Variants in ARHGEF12 observed in about 807,000 individuals in gnomAD.
ARHGEF12 encodes the protein Rho guanine nucleotide exchange factor 12, also known as KMT2A/ARHGEF12 fusion protein.
Under a neutral mutation model 211.2 loss-of-function variants are expected in ARHGEF12, and 66 were observed. That is an observed-to-expected ratio of 0.31 (90% CI 0.26 to 0.38). The LOEUF (loss-of-function observed/expected upper bound fraction) is 0.38, where lower values mean the gene tolerates loss of function less well. Among genes scored for constraint, ARHGEF12 ranks in the 10% least tolerant of loss-of-function variants. ARHGEF12 has a pLI of 1.00. For missense variants in ARHGEF12, 1,429 were observed against 1,869.5 expected (o/e 0.76, Z 4.34); for synonymous variants, 592 against 638.4 (o/e 0.93, Z 1.09).
intron 3 of ARHGEF12, 188 bp from the exon 4 acceptor site, chr11:120,409,206 A>T: frequency 3.6e-6 from 2 of 549,720 alleles, no homozygotes; most frequent in Non-Finnish European, 3.2e-6. Flanking sequence ...TTCTTCGATA[A>T]ATCTTTAAAA....
intron 36 of ARHGEF12, 72 bp downstream of exon 36, chr11:120,477,598 C>A: frequency 7.0e-7 from 1 of 1,425,850 alleles, no homozygotes; most frequent in Non-Finnish European, 9.8e-7. Context: ...GATGTGGTGG[C>A]TCATGCCTGT....
At chr11:120,395,448 T>C (rs145332559) in intron 1 of ARHGEF12, among the ~76,000 whole-genome samples, 4 of 152,328 alleles carry the variant, frequency 2.6e-5, no homozygotes, top group Admixed American at 1.3e-4. Flanking sequence ...TATGAACTCA[T>C]GCTGAGCTTA....
Position 120,449,210 on chromosome 11 carries a change from T to G in ARHGEF12, c.1839T>G (p.Ser613Arg), listed in dbSNP as rs1394511571. The G allele has an allele frequency of 6.2e-7, 1 of 1,613,640 alleles. No homozygotes were observed. Among genetic ancestry groups the G allele is most frequent in the Admixed American group, 1.7e-5 (1 of 59,996 alleles). Reference protein sequence around the residue: ...PPRRPSRHDNSAIGRAMELQK... With the variant: ...PPRRPSRHDNRAIGRAMELQK... ...GGAGACCAAGCCGTCATGACAACAG[T>G]GCAAGTATGTTGAAGTTTGAAGTGC... The change falls in exon 21 of 41, where the codon AGT becomes AGG. Residue 613 changes from serine (S) to arginine (R), a missense_variant. Around this residue, in one of 7 missense-constraint regions of ARHGEF12, gnomAD observed 373 missense variants for 467.5 expected, o/e 0.80. Coordinates refer to ENST00000397843, the MANE Select transcript of ARHGEF12 (RefSeq NM_015313.3).
At chr11:120,339,001 TTTTC>T (rs1942445256) in intron 1 of ARHGEF12, among the ~76,000 whole-genome samples, 2 of 132,150 alleles carry the variant, frequency 1.5e-5, no homozygotes, top group African/African-American at 3.2e-5. Flanking sequence ...TTTCTTTTCT[TTTTC>T]TTTTTTTTTT....
intron 1 of ARHGEF12, among the ~76,000 whole-genome samples, chr11:120,338,208 A>G (rs542186826): frequency 3.3e-4 from 50 of 152,328 alleles, no homozygotes; most frequent in African/African-American, 1.1e-3. Flanking sequence ...CTTTATTTTT[A>G]AGTCAGTCTT....
rs185596656 is a variant in ARHGEF12 at position 120,475,970 on chromosome 11, C to A, written c.3277+463C>A. On this transcript the variant is annotated intron_variant, in intron 33 of 40. Coordinates refer to ENST00000397843, the MANE Select transcript of ARHGEF12 (RefSeq NM_015313.3). ...GCAAAATAAATTTGTGACCTCTTTT[C>A]TCCACTACTCACTGAATATTATTAA... 1.6e-3 allele frequency: 250 copies of A among 153,908 alleles called. 3 individuals are homozygous for A. Among genetic ancestry groups the A allele is most frequent in the Admixed American group, 0.015 (237 of 15,422 alleles). 9.5% of individuals were successfully genotyped at this position (153,908 alleles called of 1,614,324 possible). A position where few individuals can be genotyped will look rare whatever the true frequency, so the allele number is the denominator to read the frequency against.
rs185883897 is a variant in ARHGEF12 at position 120,460,647 on chromosome 11, C to T, written c.2528-25C>T. On this transcript the variant is annotated intron_variant, in intron 26 of 40. Transcript: ENST00000397843. The stretch of plus-strand genomic sequence containing the variant: ...CTGTCTACACTGAATGTGTTACTAA[C>T]GTTTTTCTATCTTTTTATCTTTAGT... The T allele has an allele frequency of 1.6e-5, 25 of 1,596,610 alleles. No homozygotes were observed. The East Asian group carries it at 3.4e-4, about 21-fold the overall frequency.
At position 120,481,421 on chromosome 11, in the gene ARHGEF12, A is replaced by G. The variant is rs770018669; in HGVS notation, c.4399A>G (p.Ile1467Val). ...SPQNTHSDGA[I>V]SPFTPEFLVQ... Reference sequence around the variant, plus strand: ...TCAGAATACTCACTCCGATGGGGCAATTTCACCATTCACCCCCGAATTTCT... The same window carrying G: ...TCAGAATACTCACTCCGATGGGGCAGTTTCACCATTCACCCCCGAATTTCT... The change falls in exon 39 of 41, where the codon ATT becomes GTT. Residue 1467 changes from isoleucine to valine, a missense_variant. Transcript: ENST00000397843. 1.9e-5 allele frequency: 30 copies of G among 1,614,016 alleles called. No homozygotes were observed. The highest frequency in any genetic ancestry group is 1.2e-4 in the South Asian group (11 of 91,084).
At chr11:120,475,262 CTG>C in intron 32 of ARHGEF12, 76 bp from the exon 33 acceptor site, 1 of 1,306,424 alleles carries the variant, frequency 7.7e-7, no homozygotes, top group Non-Finnish European at 1.1e-6. Flanking sequence ...TAGAATTCCT[CTG>C]TTGAATCATT....
Position 120,363,060 on chromosome 11 carries a change from A to C in ARHGEF12, c.32+25785A>C, listed in dbSNP as rs187478666. On this transcript the variant is annotated intron_variant, in intron 1 of 40. Coordinates refer to ENST00000397843, the MANE Select transcript of ARHGEF12 (RefSeq NM_015313.3). The stretch of plus-strand genomic sequence containing the variant: ...GCTTGCAGTGAGCTGAGATCGCACC[A>C]CTGCACTCCAGCCTTGGCAACAGAG... 5.4e-3 allele frequency among the ~76,000 whole-genome samples: 827 copies of C among 152,366 alleles called. 8 individuals carry two copies. The highest frequency in any genetic ancestry group is 0.019 in the African/African-American group (803 of 41,588).
At chr11:120,355,663 T>C (rs945083436) in intron 1 of ARHGEF12, among the ~76,000 whole-genome samples, 18 of 152,330 alleles carry the variant, frequency 1.2e-4, no homozygotes, top group African/African-American at 4.1e-4. Context: ...GCTATGATTG[T>C]GTCAGTCTAC....
intron 1 of ARHGEF12, among the ~76,000 whole-genome samples, chr11:120,382,935 T>C (rs537956916): frequency 6.6e-6 from 1 of 152,024 alleles, no homozygotes; most frequent in Non-Finnish European, 1.5e-5. Flanking sequence ...GTCAGGAGAT[T>C]GAGACCATCC....
intron 1 of ARHGEF12, among the ~76,000 whole-genome samples, chr11:120,399,672 T>G (rs979669167): frequency 6.6e-6 from 1 of 152,138 alleles, no homozygotes; most frequent in South Asian, 2.1e-4. Flanking sequence ...TTCCTGTGAT[T>G]TTTTTGGCAC....
chr11:120,399,781 T>G (rs1171313084), intron 1 of ARHGEF12, among the ~76,000 whole-genome samples: 1 of 152,116 alleles, frequency 6.6e-6, no homozygotes, highest in Non-Finnish European at 1.5e-5. Context: ...ATGCCTTAGG[T>G]TTTTTCAATA....
At chr11:120,460,588 A>G in intron 26 of ARHGEF12, 84 bp from the exon 27 acceptor site, 1 of 1,182,540 alleles carries the variant, frequency 8.5e-7, no homozygotes, top group Non-Finnish European at 1.2e-6. Flanking sequence ...CTTTATAAAA[A>G]AAAAAAATTA....
intron 22 of ARHGEF12, among the ~76,000 whole-genome samples, chr11:120,453,373 G>T (rs972837796): frequency 6.6e-5 from 10 of 152,150 alleles, no homozygotes; most frequent in Non-Finnish European, 1.5e-5. Context: ...AAGGGAATGT[G>T]TTATCAGGAA....
intron 11 of ARHGEF12, among the ~76,000 whole-genome samples, chr11:120,432,549 T>C (rs1006512405): frequency 6.6e-6 from 1 of 152,198 alleles, no homozygotes; most frequent in Non-Finnish European, 1.5e-5. Context: ...GAATAATGAC[T>C]TAAATGTAGA....
At chr11:120,366,549 C>G (rs1485713390) in intron 1 of ARHGEF12, among the ~76,000 whole-genome samples, 1 of 152,266 alleles carries the variant, frequency 6.6e-6, no homozygotes, top group East Asian at 1.9e-4. Context: ...TATGGAGTTC[C>G]TTTTTCTTCC....
intron 1 of ARHGEF12, among the ~76,000 whole-genome samples, chr11:120,353,715 C>T (rs1011004599): frequency 3.9e-5 from 6 of 152,186 alleles, no homozygotes; most frequent in Admixed American, 1.3e-4. Flanking sequence ...CCCTCTGAGA[C>T]CTCTGCAGAG....
Sources: allele counts gnomAD v4.1 joint callset (sites outside exome capture counted in the v4.1 genomes callset), GRCh38; gene constraint gnomAD v4.1.1; regional missense constraint gnomAD v4.1.1; transcripts MANE v1.5; gene names NCBI Gene and HGNC (gene_info 2026-07-23, HGNC 2026-07-21).